Variants in GRM3 observed in about 807,000 individuals in gnomAD.
GRM3 encodes metabotropic glutamate receptor 3.
GRM3 carries 26 observed loss-of-function variants against 70.5 expected under a neutral mutation model. That is an observed-to-expected ratio of 0.37 (90% CI 0.27 to 0.51). GRM3 has a LOEUF of 0.51. GRM3 is among the 20% of genes least tolerant of loss of function. The pLI is 0.93. For synonymous variants in GRM3, 443 were observed against 434.9 expected (o/e 1.02, Z -0.23); for missense variants, 859 against 1,123.8 (o/e 0.76, Z 3.37).
Position 86,801,064 on chromosome 7 carries a change from C to CTTTTT in GRM3, c.1324+13968_1324+13972dup, listed in dbSNP as rs67046105. Among the ~76,000 whole-genome samples, 630 of 86,784 alleles carry CTTTTT rather than the reference C, an allele frequency of 7.3e-3. 6 individuals carry two copies. Among genetic ancestry groups the CTTTTT allele is most frequent in the African/African-American group, 9.2e-3 (184 of 20,002 alleles). The allele number at this position is 86,784 out of a possible 152,430, so 56.9% of individuals were successfully genotyped here. ...TATGTTTTACCACGGCAAACTTCTTCTTTTTTTTTTTTTTTTTTTTTTTTG... is the reference window on the plus strand; with the variant it reads ...TATGTTTTACCACGGCAAACTTCTTCTTTTTTTTTTTTTTTTTTTTTTTTTTTTTG... On this transcript the variant is annotated intron_variant, in intron 3 of 5. Transcript: ENST00000361669.
intron 5 of GRM3, among the ~76,000 whole-genome samples, chr7:86,856,452 C>CA (rs572172399): frequency 0.047 from 3,170 of 67,182 alleles, 74 homozygotes; most frequent in East Asian, 0.18. Context: ...TCGCCCTCTG[C>CA]AAAAAAAAAA....
intron 1 of GRM3, among the ~76,000 whole-genome samples, chr7:86,666,124 T>G (rs1218277870): frequency 1.3e-5 from 2 of 152,042 alleles, no homozygotes; most frequent in East Asian, 3.9e-4. Context: ...TTATTGAAAG[T>G]CAAATAATCC....
intron 2 of GRM3, among the ~76,000 whole-genome samples, chr7:86,778,094 A>T (rs2116488359): frequency 1.3e-5 from 2 of 152,326 alleles, no homozygotes; most frequent in Middle Eastern, 6.8e-3. Flanking sequence ...CTTAGAAAAC[A>T]GCCCCAAAAA....
chr7:86,736,210 T>C (rs1795854454), intron 1 of GRM3, among the ~76,000 whole-genome samples: 1 of 152,086 alleles, frequency 6.6e-6, no homozygotes, highest in South Asian at 2.1e-4. Flanking sequence ...GAAGGTGTTG[T>C]CAAGATCCTC....
chr7:86,646,550 T>TATA (rs1176290945), intron 1 of GRM3, among the ~76,000 whole-genome samples: 3 of 152,090 alleles, frequency 2.0e-5, no homozygotes, highest in Non-Finnish European at 4.4e-5. Flanking sequence ...CTACCTTTAT[T>TATA]AGATGAAAAA....
chr7:86,774,144 A>G (rs775449135), intron 2 of GRM3, among the ~76,000 whole-genome samples: 33 of 152,156 alleles, frequency 2.2e-4, no homozygotes, highest in South Asian at 6.2e-4. Flanking sequence ...TTCTCTTTCC[A>G]AATTACCATT....
rs143961637 is a variant in GRM3, at chr7:86,655,584, C to T, written c.-141+10712C>T. ...CCAATACAATAATTGAAACTTTGAG[C>T]GCTAAAGTTGAATCTTTTCTCTATC... On this transcript the variant is annotated intron_variant, in intron 1 of 5. Transcript: ENST00000361669. Among the ~76,000 whole-genome samples, 245 of 148,744 alleles carry T rather than the reference C, an allele frequency of 1.6e-3. 1 individual carries two copies. Among genetic ancestry groups the T allele is most frequent in the Non-Finnish European group, 2.7e-3 (182 of 66,366 alleles).
At chr7:86,789,886 C>A (rs1271711473) in intron 3 of GRM3, among the ~76,000 whole-genome samples, 1 of 152,172 alleles carries the variant, frequency 6.6e-6, no homozygotes, top group Non-Finnish European at 1.5e-5. Context: ...GAAGCTAACC[C>A]AGTTTAAATA....
chr7:86,780,939 T>C (rs1797038530), intron 2 of GRM3, among the ~76,000 whole-genome samples: 1 of 152,166 alleles, frequency 6.6e-6, no homozygotes, highest in Non-Finnish European at 1.5e-5. Flanking sequence ...TATCATTGCA[T>C]CATTATAGTG....
intron 1 of GRM3, among the ~76,000 whole-genome samples, chr7:86,673,147 A>G (rs1467312274): frequency 6.6e-6 from 1 of 152,088 alleles, no homozygotes; most frequent in Non-Finnish European, 1.5e-5. Flanking sequence ...CACTTACATC[A>G]AAGGCATGAC....
intron 3 of GRM3, among the ~76,000 whole-genome samples, chr7:86,795,364 A>G (rs1444953478): frequency 6.6e-6 from 1 of 151,152 alleles, no homozygotes; most frequent in African/African-American, 2.4e-5. Flanking sequence ...TTGCACAGGT[A>G]AACATGTGCC....
chr7:86,669,785 C>G lies in GRM3; in HGVS notation c.-141+24913C>G, dbSNP rs527725727. Among the ~76,000 whole-genome samples, 5 of 152,290 alleles carry G rather than the reference C, an allele frequency of 3.3e-5. No homozygotes were observed. The East Asian group carries it at 9.6e-4, about 29-fold the overall frequency. On this transcript the variant is annotated intron_variant, in intron 1 of 5. Coordinates refer to ENST00000361669, the MANE Select transcript of GRM3 (RefSeq NM_000840.3). ...GCATATTCCTTCAAATCCCTGCTCT[C>G]TTCTTACCTTTATGATTAAGCTTAA...
intron 1 of GRM3, among the ~76,000 whole-genome samples, chr7:86,689,429 T>C (rs1217060716): frequency 4.6e-5 from 7 of 152,070 alleles, no homozygotes; most frequent in Non-Finnish European, 7.4e-5. Context: ...AAATAAATCA[T>C]AAATAGTAAC....
At chr7:86,741,722 G>T (rs1259876519) in intron 1 of GRM3, among the ~76,000 whole-genome samples, 1 of 151,982 alleles carries the variant, frequency 6.6e-6, no homozygotes, top group African/African-American at 2.4e-5. Flanking sequence ...CAAGAAATAG[G>T]GCCCAACATA....
At chr7:86,697,525 T>G (rs1794846821) in intron 1 of GRM3, among the ~76,000 whole-genome samples, 1 of 152,114 alleles carries the variant, frequency 6.6e-6, no homozygotes, top group African/African-American at 2.4e-5. Context: ...AGAAGACATT[T>G]TTTCTGAAAT....
intron 3 of GRM3, among the ~76,000 whole-genome samples, chr7:86,823,216 T>C (rs1339589079): frequency 6.6e-6 from 1 of 152,182 alleles, no homozygotes; most frequent in Non-Finnish European, 1.5e-5. Flanking sequence ...GTTCATGTTG[T>C]ATATGTTTTG....
chr7:86,825,404 C>T (rs934087297), intron 3 of GRM3, among the ~76,000 whole-genome samples: 1 of 152,202 alleles, frequency 6.6e-6, no homozygotes, highest in Non-Finnish European at 1.5e-5. Flanking sequence ...GACAAGTTCA[C>T]TTGAAATCTT....
intron 2 of GRM3, among the ~76,000 whole-genome samples, chr7:86,780,301 A>C (rs992565913): frequency 6.6e-6 from 1 of 152,208 alleles, no homozygotes; most frequent in Admixed American, 6.5e-5. Context: ...ATATGTAACA[A>C]ACTTGCACAT....
intron 2 of GRM3, among the ~76,000 whole-genome samples, chr7:86,769,221 A>G (rs1325002435): frequency 6.6e-6 from 1 of 152,062 alleles, no homozygotes; most frequent in East Asian, 1.9e-4. Context: ...TCCATTTTTA[A>G]CTACTTTTGA....
Sources: allele counts gnomAD v4.1 joint callset (sites outside exome capture counted in the v4.1 genomes callset), GRCh38; gene constraint gnomAD v4.1.1; transcripts MANE v1.5; gene names NCBI Gene and HGNC (gene_info 2026-07-23, HGNC 2026-07-21).